Variants in RAMP3 observed in about 807,000 individuals in gnomAD.
RAMP3 encodes receptor activity modifying protein 3, also known as receptor activity-modifying protein 3.
In RAMP3, 14 loss-of-function variants were observed where a neutral mutation model predicts 13.5. That is an observed-to-expected ratio of 1.04 (90% CI 0.69 to 1.63). RAMP3 has a LOEUF of 1.63. Among genes scored for constraint, RAMP3 ranks in the 40% most tolerant of loss-of-function variants. RAMP3 has a pLI of 0.00. For missense variants in RAMP3, 200 were observed against 204.8 expected, an observed-to-expected ratio of 0.98 and a Z score of 0.14; for synonymous variants, 106 against 88.3, an observed-to-expected ratio of 1.20 and a Z score of -1.12.
intron 1 of RAMP3, chr7:45,163,365 G>T: frequency 2.0e-6 from 2 of 985,434 alleles, no homozygotes; most frequent in Non-Finnish European, 2.4e-6. Flanking sequence ...TTACTTTTTG[G>T]TTCCTTCAAA....
intron 1 of RAMP3, among the ~76,000 whole-genome samples, chr7:45,172,087 C>T (rs574045194): frequency 6.2e-4 from 93 of 151,012 alleles, no homozygotes; most frequent in African/African-American, 1.9e-3. Flanking sequence ...CTTGGCCTGC[C>T]ATGCCTGGTG....
chr7:45,168,406 CAA>C (rs71030854), intron 1 of RAMP3, among the ~76,000 whole-genome samples: 5,488 of 70,322 alleles, frequency 0.078, 132 homozygotes, highest in African/African-American at 0.14. Flanking sequence ...ACTCTGTTTC[CAA>C]AAAAAAAAAA....
intron 1 of RAMP3, among the ~76,000 whole-genome samples, chr7:45,175,979 T>C (rs1386976000): frequency 1.3e-5 from 2 of 152,196 alleles, no homozygotes; most frequent in African/African-American, 4.8e-5. Flanking sequence ...CAGCACTTGC[T>C]CAGTGCCCAG....
At chr7:45,178,553 C>T (rs1418205739) in intron 2 of RAMP3, among the ~76,000 whole-genome samples, 1 of 152,238 alleles carries the variant, frequency 6.6e-6, no homozygotes, top group Non-Finnish European at 1.5e-5. Flanking sequence ...CATCTGCAGC[C>T]CCACTCTGTG....
chr7:45,171,285 A>T lies in RAMP3; in HGVS notation c.59-6024A>T, dbSNP rs554238247. Among the ~76,000 whole-genome samples the T allele has an allele frequency of 7.0e-4, 106 of 151,914 alleles. 1 individual carries two copies. Among genetic ancestry groups the T allele is most frequent in the African/African-American group, 2.5e-3 (105 of 41,432 alleles). On this transcript the variant is annotated intron_variant, in intron 1 of 2. Transcript: ENST00000242249. ...ATTCTCCTGCCTCAGCCTCCTGAGT[A>T]GCTGGGTCTACAGGTGTGCACCACT...
intron 1 of RAMP3, among the ~76,000 whole-genome samples, chr7:45,161,957 C>T (rs961166109): frequency 1.3e-5 from 2 of 152,106 alleles, no homozygotes; most frequent in Non-Finnish European, 2.9e-5. Flanking sequence ...GGAGTGACGC[C>T]AGACCCAGGG....
chr7:45,172,917 C>T (rs1786109965), intron 1 of RAMP3, among the ~76,000 whole-genome samples: 1 of 152,176 alleles, frequency 6.6e-6, no homozygotes. Flanking sequence ...GAAGGTCAGC[C>T]TTGCTTATGA....
intron 1 of RAMP3, among the ~76,000 whole-genome samples, chr7:45,165,537 T>C (rs186321506): frequency 8.5e-5 from 13 of 152,356 alleles, no homozygotes; most frequent in African/African-American, 3.1e-4. Context: ...CCAGCATTAT[T>C]GAGATATAAT....
intron 1 of RAMP3, among the ~76,000 whole-genome samples, chr7:45,161,928 TGC>T (rs1345345189): frequency 6.6e-6 from 1 of 151,382 alleles, no homozygotes; most frequent in African/African-American, 2.4e-5. Context: ...CACCCAAGGG[TGC>T]TGAGAGAATC....
At chr7:45,167,743 C>A (rs1043055516) in intron 1 of RAMP3, among the ~76,000 whole-genome samples, 48 of 151,818 alleles carry the variant, frequency 3.2e-4, no homozygotes, top group African/African-American at 9.9e-4. Context: ...TGCGCCACCA[C>A]GCCCGGGTAA....
rs548599419 is a variant in RAMP3 at position 45,167,107 on chromosome 7, G to T, written c.58+9221G>T. Among the ~76,000 whole-genome samples, 284 of 152,020 alleles carry T rather than the reference G, an allele frequency of 1.9e-3. 3 individuals are homozygous for T. The highest frequency in any genetic ancestry group is 6.5e-3 in the African/African-American group (270 of 41,438). The stretch of plus-strand genomic sequence containing the variant: ...CCAGTGGCTGGGACTACAGGTGCCC[G>T]CTACCTCGCCCGGCTAATTTTTTGT... On this transcript the variant is annotated intron_variant, in intron 1 of 2. Transcript: ENST00000242249.
chr7:45,172,451 C>T (rs1786101646), intron 1 of RAMP3, among the ~76,000 whole-genome samples: 1 of 152,188 alleles, frequency 6.6e-6, no homozygotes, highest in African/African-American at 2.4e-5. Context: ...ATACCACCAT[C>T]CCAGAAGTCT....
Position 45,184,145 on chromosome 7 carries a change from G to C in RAMP3, c.*733G>C. 1 of 398,904 alleles carries C rather than the reference G, an allele frequency of 2.5e-6. No individual in the cohort carries two copies. Among genetic ancestry groups the C allele is most frequent in the East Asian group, 3.6e-5 (1 of 28,080 alleles). The allele number at this position is 398,904 out of a possible 1,614,324, so 24.7% of individuals were successfully genotyped here. ...GGGCCTGGGCCTCCTTCCTACAGGG[G>C]CTCCTCTGTGGGTGAGGGGCCCTCT... is the stretch of plus-strand genomic sequence containing the variant. On this transcript the variant is annotated 3_prime_UTR_variant, in exon 3 of 3. Coordinates refer to ENST00000242249, the MANE Select transcript of RAMP3 (RefSeq NM_005856.3).
At chr7:45,166,958 C>CTTGTTTTTTTT (rs1785974532) in intron 1 of RAMP3, among the ~76,000 whole-genome samples, 1 of 101,264 alleles carries the variant, frequency 9.9e-6, no homozygotes. Flanking sequence ...GTCTTTGATG[C>CTTGTTTTTTTT]TTTTTTTTTT....
At chr7:45,160,330 C>CAACACAA (rs1785840269) in intron 1 of RAMP3, among the ~76,000 whole-genome samples, 1 of 17,870 alleles carries the variant, frequency 5.6e-5, no homozygotes, top group Non-Finnish European at 1.1e-4. Context: ...GACTCTGCCT[C>CAACACAA]AAAAAAAAAA....
At position 45,162,324 on chromosome 7, in the gene RAMP3, G is replaced by A. The variant is rs528462266; in HGVS notation, c.58+4438G>A. Among the ~76,000 whole-genome samples, 12 of 152,364 alleles carry A rather than the reference G, an allele frequency of 7.9e-5. No homozygotes were observed. In the South Asian group the frequency reaches 2.5e-3, roughly 32 times the overall value. On this transcript the variant is annotated intron_variant, in intron 1 of 2. Coordinates refer to ENST00000242249, the MANE Select transcript of RAMP3 (RefSeq NM_005856.3). ...TTGCAGAGCCCAGGCTTGACATGGAGCTTGGAAGTGCCCACTGGGAGAGAA... is the reference window on the plus strand; with the variant it reads ...TTGCAGAGCCCAGGCTTGACATGGAACTTGGAAGTGCCCACTGGGAGAGAA...
intron 1 of RAMP3, chr7:45,163,785 T>C: frequency 1.0e-6 from 1 of 985,398 alleles, no homozygotes; most frequent in Non-Finnish European, 1.2e-6. Context: ...GTCTCTGTCT[T>C]CTGGCTCCGT....
intron 1 of RAMP3, among the ~76,000 whole-genome samples, chr7:45,172,329 G>C (rs1786098582): frequency 6.6e-6 from 1 of 152,216 alleles, no homozygotes; most frequent in African/African-American, 2.4e-5. Flanking sequence ...GGTGTGGAGT[G>C]GGAACAGGTT....
intron 1 of RAMP3, chr7:45,163,123 G>T (rs1175084683): frequency 1.0e-6 from 1 of 975,742 alleles, no homozygotes; most frequent in Non-Finnish European, 1.2e-6. Flanking sequence ...ATGAATTATT[G>T]GTTTCACACC....
Sources: gnomAD v4.1 joint callset for allele counts (sites outside exome capture counted in the v4.1 genomes callset) on GRCh38, gnomAD v4.1.1 for gene constraint, MANE v1.5 for transcripts, NCBI Gene and HGNC (gene_info 2026-07-23, HGNC 2026-07-21) for gene names.